The following HTR1F variants were observed in gnomAD, a reference collection of about 807,000 sequenced individuals.
The protein encoded by HTR1F is 5-hydroxytryptamine (serotonin) receptor 1F, G protein-coupled.
In HTR1F, 17 loss-of-function variants were observed where a neutral mutation model predicts 24.0. The observed-to-expected ratio is 0.71, with a 90% CI of 0.48 to 1.06. The LOEUF (loss-of-function observed/expected upper bound fraction) is 1.06. Among genes scored for constraint, HTR1F ranks in the 50% least tolerant of loss-of-function variants. The pLI is 0.00. For synonymous variants in HTR1F, 186 were observed against 156.8 expected (o/e 1.19, Z -1.39); for missense variants, 391 against 427.8 (o/e 0.91, Z 0.76).
chr3:87,872,360 T>C (rs1705577198), intron 2 of HTR1F, among the ~76,000 whole-genome samples: 1 of 152,004 alleles, frequency 6.6e-6, no homozygotes, highest in Admixed American at 6.5e-5. Context: ...CTTGTTACTA[T>C]GCAAGTAAGA....
chr3:87,938,207 A>C (rs1704475477), intron 2 of HTR1F, among the ~76,000 whole-genome samples: 1 of 152,350 alleles, frequency 6.6e-6, no homozygotes, highest in South Asian at 2.1e-4. Flanking sequence ...AAAAGGATAA[A>C]GTACCTAGGA....
intron 2 of HTR1F, among the ~76,000 whole-genome samples, chr3:87,983,049 A>G (rs775943536): frequency 6.6e-6 from 1 of 152,202 alleles, no homozygotes; most frequent in Non-Finnish European, 1.5e-5. Flanking sequence ...GATGGAAGTC[A>G]TTGGAGCCAA....
At chr3:87,969,563 C>T (rs529993109) in intron 2 of HTR1F, among the ~76,000 whole-genome samples, 3 of 152,224 alleles carry the variant, frequency 2.0e-5, no homozygotes, top group Non-Finnish European at 2.9e-5. Context: ...TACCCAGTGC[C>T]TTTACCCCTA....
chr3:87,967,953 C>T (rs1705202890), intron 2 of HTR1F, among the ~76,000 whole-genome samples: 2 of 152,144 alleles, frequency 1.3e-5, no homozygotes, highest in Admixed American at 1.3e-4. Context: ...GTTTGGAGGG[C>T]TCAGAAGACA....
At chr3:87,966,700 C>T (rs1705170047) in intron 2 of HTR1F, among the ~76,000 whole-genome samples, 1 of 152,016 alleles carries the variant, frequency 6.6e-6, no homozygotes, top group South Asian at 2.1e-4. Flanking sequence ...TTACATACTT[C>T]TTAAGACTCA....
chr3:87,929,897 G>A (rs1704219747), intron 2 of HTR1F, among the ~76,000 whole-genome samples: 1 of 152,126 alleles, frequency 6.6e-6, no homozygotes, highest in Non-Finnish European at 1.5e-5. Context: ...GAGCAGTATG[G>A]CCAGTTTAAT....
chr3:87,802,893 T>A (rs998921567), intron 1 of HTR1F, among the ~76,000 whole-genome samples: 37 of 152,316 alleles, frequency 2.4e-4, no homozygotes, highest in African/African-American at 8.7e-4. Context: ...TTTCATCCAG[T>A]GCAGCTACCA....
At chr3:87,975,152 G>A (rs1041001794) in intron 2 of HTR1F, among the ~76,000 whole-genome samples, 5 of 152,038 alleles carry the variant, frequency 3.3e-5, no homozygotes, top group East Asian at 1.9e-4. Context: ...CAAAGTCAAC[G>A]AAGTCTAGAA....
chr3:87,836,524 G>T (rs1416813079), intron 2 of HTR1F, among the ~76,000 whole-genome samples: 3 of 152,066 alleles, frequency 2.0e-5, no homozygotes, highest in Non-Finnish European at 4.4e-5. Context: ...AGTAAGCATT[G>T]AATAAAGGTG....
At chr3:87,904,705 A>G (rs1027206268) in intron 2 of HTR1F, among the ~76,000 whole-genome samples, 1 of 152,118 alleles carries the variant, frequency 6.6e-6, no homozygotes, top group Non-Finnish European at 1.5e-5. Flanking sequence ...GAAACTCACT[A>G]TCATAATGTT....
At chr3:87,794,546 C>T (rs964082219) in intron 1 of HTR1F, among the ~76,000 whole-genome samples, 1 of 152,144 alleles carries the variant, frequency 6.6e-6, no homozygotes, top group Non-Finnish European at 1.5e-5. Flanking sequence ...AATTTTTAAT[C>T]CAAGGAAGTT....
intron 2 of HTR1F, among the ~76,000 whole-genome samples, chr3:87,912,242 G>A (rs1279506000): frequency 4.6e-5 from 7 of 151,590 alleles, no homozygotes; most frequent in Non-Finnish European, 7.4e-5. Flanking sequence ...CAAAATTAAT[G>A]TGCAGAAATC....
chr3:87,936,115 G>T (rs141179598), intron 2 of HTR1F, among the ~76,000 whole-genome samples: 1 of 152,302 alleles, frequency 6.6e-6, no homozygotes, highest in African/African-American at 2.4e-5. Context: ...CTCCCAAAGT[G>T]CTGGGATTAC....
chr3:87,832,560 T>G (rs1334684169), intron 2 of HTR1F, among the ~76,000 whole-genome samples: 2 of 152,160 alleles, frequency 1.3e-5, no homozygotes, highest in Non-Finnish European at 2.9e-5. Context: ...ACTCCTGAAC[T>G]CAGGCAGTCC....
At chr3:87,825,035 A>G (rs1704435469) in intron 2 of HTR1F, among the ~76,000 whole-genome samples, 1 of 152,216 alleles carries the variant, frequency 6.6e-6, no homozygotes. Flanking sequence ...AAGTATTATT[A>G]TGCCAATTAT....
At chr3:87,902,990 T>C (rs898311476) in intron 2 of HTR1F, among the ~76,000 whole-genome samples, 7 of 151,242 alleles carry the variant, frequency 4.6e-5, no homozygotes, top group African/African-American at 1.7e-4. Context: ...AACTATCTGA[T>C]CTTTGACAAA....
intron 2 of HTR1F, among the ~76,000 whole-genome samples, chr3:87,915,961 C>T (rs1703882651): frequency 6.6e-6 from 1 of 152,052 alleles, no homozygotes; most frequent in African/African-American, 2.4e-5. Context: ...GAGACAAAAG[C>T]ATCAGGTAAC....
chr3:87,793,728 G>T (rs748208194), intron 1 of HTR1F: 6 of 152,158 alleles, frequency 3.9e-5, no homozygotes, highest in Non-Finnish European at 8.8e-5. Context: ...CACTGATGGG[G>T]CCCTGGATGA....
At chr3:87,967,523 A>C (rs1705192623) in intron 2 of HTR1F, among the ~76,000 whole-genome samples, 1 of 151,780 alleles carries the variant, frequency 6.6e-6, no homozygotes, top group African/African-American at 2.4e-5. Context: ...CCCAAACCTC[A>C]AATTAGAGCT....
Sources: gnomAD v4.1 joint callset for allele counts (sites outside exome capture counted in the v4.1 genomes callset) on GRCh38, gnomAD v4.1.1 for gene constraint, MANE v1.5 for transcripts, NCBI Gene and HGNC (gene_info 2026-07-23, HGNC 2026-07-21) for gene names.